The following CLRN1 variants were observed in gnomAD, a reference collection of about 807,000 sequenced individuals.
CLRN1 encodes the protein clarin 1.
In CLRN1, 15 loss-of-function variants were observed where a neutral mutation model predicts 18.7. The ratio of observed to expected loss-of-function variants is 0.80; its 90% confidence interval spans 0.54 to 1.23. The LOEUF (loss-of-function observed/expected upper bound fraction) is 1.23. CLRN1 is among the 50% of genes most tolerant of loss of function. The pLI, the probability that CLRN1 is intolerant of heterozygous loss-of-function variation, is 0.00. For synonymous variants in CLRN1, 104 were observed against 102.9 expected (o/e 1.01, Z -0.07); for missense variants, 311 against 277.5 (o/e 1.12, Z -0.86).
At chr3:150,969,313 ATTTTTTTTTTT>A (rs1196979915) in intron 1 of CLRN1, among the ~76,000 whole-genome samples, 16 of 43,544 alleles carry the variant, frequency 3.7e-4, no homozygotes, top group African/African-American at 4.0e-4. Context: ...ATATATATAT[ATTTTTTTTTTT>A]TTTTTTTTTT....
chr3:150,958,944 C>T (rs1215155506), intron 1 of CLRN1, among the ~76,000 whole-genome samples: 2 of 152,222 alleles, frequency 1.3e-5, no homozygotes, highest in Non-Finnish European at 2.9e-5. Flanking sequence ...GTTACGGTAA[C>T]TGTCAACATT....
intron 2 of CLRN1, chr3:150,940,468 A>G: frequency 6.5e-7 from 1 of 1,534,814 alleles, no homozygotes; most frequent in Non-Finnish European, 8.7e-7. Context: ...TAGTGTCAAG[A>G]GCAAGAAAGT....
In CLRN1 at chr3:150,970,517, GAA is replaced by G. The variant is rs11464588; in HGVS notation, c.253+1937_253+1938del. Among the ~76,000 whole-genome samples, 226 of 144,214 alleles carry G rather than the reference GAA, an allele frequency of 1.6e-3. 1 individual carries two copies. The highest frequency in any genetic ancestry group is 5.1e-3 in the African/African-American group (199 of 38,856). The allele number at this position is 144,214 out of a possible 152,430, so 94.6% of individuals were successfully genotyped here. A position where few individuals can be genotyped will look rare whatever the true frequency, so the allele number is the denominator to read the frequency against. On this transcript the variant is annotated intron_variant, in intron 1 of 2. Transcript: ENST00000327047. ...TTGAAAAAGATACTTTTATGCTTAG[GAA>G]AAAAAAAAAAGCTCTACTGTAAGTA...
At chr3:150,950,490 C>A (rs1482716094) in intron 1 of CLRN1, among the ~76,000 whole-genome samples, 1 of 152,084 alleles carries the variant, frequency 6.6e-6, no homozygotes, top group Non-Finnish European at 1.5e-5. Context: ...AAAAAGTGGG[C>A]AAAGGACATG....
At chr3:150,970,774 A>G (rs1715493552) in intron 1 of CLRN1, among the ~76,000 whole-genome samples, 1 of 152,122 alleles carries the variant, frequency 6.6e-6, no homozygotes. Flanking sequence ...CAGTTCTGCA[A>G]GTCCTCACAG....
At chr3:150,959,295 C>G (rs184936386) in intron 1 of CLRN1, among the ~76,000 whole-genome samples, 62 of 152,256 alleles carry the variant, frequency 4.1e-4, no homozygotes, top group African/African-American at 1.4e-3. Flanking sequence ...AACTCTTTAA[C>G]TTACAAATAA....
chr3:150,942,553 C>T, intron 1 of CLRN1: 2 of 450,258 alleles, frequency 4.4e-6, no homozygotes, highest in Non-Finnish European at 8.9e-6. Flanking sequence ...TGAGCACCTA[C>T]TATGTGCCAG....
At chr3:150,939,509 T>C (rs1013508290) in intron 2 of CLRN1, among the ~76,000 whole-genome samples, 4 of 152,118 alleles carry the variant, frequency 2.6e-5, no homozygotes, top group Admixed American at 1.3e-4. Context: ...ACCAACTACC[T>C]GTAGTTCAAA....
chr3:150,951,090 G>GATGAGAACTTACGA (rs1471832184), intron 1 of CLRN1, among the ~76,000 whole-genome samples: 1 of 152,098 alleles, frequency 6.6e-6, no homozygotes, highest in Admixed American at 6.5e-5. Flanking sequence ...GGAGCTACAT[G>GATGAGAACTTACGA]ATGAGAACTT....
At chr3:150,959,420 G>A (rs1358367380) in intron 1 of CLRN1, among the ~76,000 whole-genome samples, 1 of 152,144 alleles carries the variant, frequency 6.6e-6, no homozygotes, top group Non-Finnish European at 1.5e-5. Flanking sequence ...CCTGAGGCCA[G>A]GAGTTCAAGA....
At chr3:150,945,605 T>C (rs1243473504) in intron 1 of CLRN1, 3 of 1,286,990 alleles carry the variant, frequency 2.3e-6, no homozygotes, top group East Asian at 5.5e-5. Flanking sequence ...TGATGGTGTT[T>C]ACCAGTGTCC....
At chr3:150,967,598 T>C (rs1467999639) in intron 1 of CLRN1, among the ~76,000 whole-genome samples, 1 of 152,148 alleles carries the variant, frequency 6.6e-6, no homozygotes, top group Non-Finnish European at 1.5e-5. Flanking sequence ...CACACCCCCA[T>C]ACCTGCTTCC....
intron 2 of CLRN1, among the ~76,000 whole-genome samples, chr3:150,939,305 G>A (rs1176607337): frequency 6.6e-6 from 1 of 152,118 alleles, no homozygotes; most frequent in Non-Finnish European, 1.5e-5. Context: ...ACCCCTCATG[G>A]TGTCCCAGTG....
intron 1 of CLRN1, among the ~76,000 whole-genome samples, chr3:150,959,149 G>A (rs1714899225): frequency 6.6e-6 from 1 of 152,066 alleles, no homozygotes; most frequent in African/African-American, 2.4e-5. Context: ...AAACACTTCT[G>A]CTAGATTCTG....
At position 150,927,974 on chromosome 3, in the gene CLRN1, C is replaced by T. The variant is rs762257510; in HGVS notation, c.661G>A (p.Ala221Thr). 1.5e-5 allele frequency: 24 copies of T among 1,614,004 alleles called. No individual in the cohort carries two copies. The highest frequency in any genetic ancestry group is 2.7e-5 in the African/African-American group (2 of 74,888). ...FQFPFAKSKD[A>T]ETTNVAADLM... ...TCTGCAGCTACATTAGTTGTTTCTG[C>T]GTCTTTAGATTTTGCAAAAGGGAAC... Residue 221 changes from alanine (A) to threonine (T), a missense_variant, in exon 3 of 3, where the codon GCA (alanine) becomes ACA (threonine). Ala to Thr is a moderately conservative substitution (Grantham distance 58). Coordinates refer to ENST00000327047, the MANE Select transcript of CLRN1 (RefSeq NM_174878.3).
intron 1 of CLRN1, among the ~76,000 whole-genome samples, chr3:150,969,464 C>G (rs972397997): frequency 9.3e-5 from 14 of 150,102 alleles, no homozygotes; most frequent in African/African-American, 3.2e-4. Context: ...GTAGCTGGGA[C>G]TACAGGCGCC....
chr3:150,948,385 G>A (rs1222175559), intron 1 of CLRN1, among the ~76,000 whole-genome samples: 31 of 146,164 alleles, frequency 2.1e-4, no homozygotes, highest in South Asian at 4.4e-4. Flanking sequence ...TCGGGAGGCT[G>A]AGGCAGGAGA....
chr3:150,949,181 A>C (rs927178822), intron 1 of CLRN1, among the ~76,000 whole-genome samples: 2 of 152,240 alleles, frequency 1.3e-5, no homozygotes, highest in African/African-American at 4.8e-5. Context: ...AAAACTGTCA[A>C]TAAACTAGGT....
intron 2 of CLRN1, among the ~76,000 whole-genome samples, chr3:150,930,047 T>C (rs1713055856): frequency 6.6e-6 from 1 of 152,226 alleles, no homozygotes; most frequent in Admixed American, 6.5e-5. Flanking sequence ...GATTTAAACA[T>C]TAAAGATAAT....
Sources: gnomAD v4.1 joint callset for allele counts (sites outside exome capture counted in the v4.1 genomes callset) on GRCh38, gnomAD v4.1.1 for gene constraint, MANE v1.5 for transcripts, NCBI Gene and HGNC (gene_info 2026-07-23, HGNC 2026-07-21) for gene names.